CAND1: variants seen among roughly 807,000 people sequenced by gnomAD.
The protein encoded by CAND1 is cullin associated and neddylation dissociated 1.
A neutral mutation model predicts 108.5 loss-of-function variants in CAND1; 7 were observed. That is an observed-to-expected ratio of 0.06 (90% CI 0.04 to 0.12). The LOEUF (loss-of-function observed/expected upper bound fraction) is 0.12. Among genes scored for constraint, CAND1 ranks in the 10% least tolerant of loss-of-function variants. The pLI, the probability that CAND1 is intolerant of heterozygous loss-of-function variation, is 1.00. For synonymous variants in CAND1, 534 were observed against 512.0 expected (o/e 1.04, Z -0.58); for missense variants, 941 against 1,448.7 (o/e 0.65, Z 5.69).
At chr12:67,311,036 T>C (rs1021191540) in intron 13 of CAND1, 1 of 151,986 alleles carries the variant, frequency 6.6e-6, no homozygotes, top group Non-Finnish European at 1.5e-5. Flanking sequence ...TACTCTTCCA[T>C]TTAGGGCTTT....
chr12:67,305,915 G>A lies in CAND1; in HGVS notation c.2247G>A (p.Gly749=), dbSNP rs764562549. The A allele has an allele frequency of 6.2e-7, 1 of 1,614,126 alleles. No individual in the cohort carries two copies. Among genetic ancestry groups the A allele is most frequent in the Non-Finnish European group, 8.5e-7 (1 of 1,179,986 alleles). Residue 749 remains glycine, a synonymous_variant, in exon 10 of 15, where the codon GGG becomes GGA. Coordinates refer to ENST00000545606, the MANE Select transcript of CAND1 (RefSeq NM_018448.5). The surrounding 1 kb of genome is among the most constrained non-coding windows in gnomAD (Gnocchi z 4.4). ...IGLVRSPLLQ[G]GALSAMLDFF... is the part of the protein sequence containing the mutation. ...TTGTGAGATCACCCTTATTGCAGGG[G>A]GGAGCTCTTAGTGCCATGCTAGACT... is the stretch of plus-strand genomic sequence containing the variant.
intron 2 of CAND1, 193 bp downstream of exon 2, chr12:67,282,246 T>C: frequency 2.1e-6 from 1 of 467,910 alleles, no homozygotes; most frequent in South Asian, 3.3e-5. Context: ...GCATATAAGT[T>C]ACTAAATGGT....
Position 67,305,997 on chromosome 12 carries a change from C to T in CAND1, c.2329C>T (p.Arg777Cys), listed in dbSNP as rs371351780. ...TNNLGYMDLL[R>C]MLTGPVYSQS... Reference sequence around the variant, plus strand: ...TAATTTAGGATACATGGATTTGTTGCGCATGCTGACTGGTCCAGTTTACTC... The same window carrying T: ...TAATTTAGGATACATGGATTTGTTGTGCATGCTGACTGGTCCAGTTTACTC... The change falls in exon 10 of 15, where the codon CGC (arginine) becomes TGC (cysteine). Residue 777 changes from arginine to cysteine, a missense_variant. Arg to Cys is a radical substitution (Grantham distance 180, BLOSUM62 -3). This residue lies in a region of CAND1 where 697 missense variants were observed against 942.0 expected (regional missense o/e 0.74). Coordinates refer to ENST00000545606, the MANE Select transcript of CAND1 (RefSeq NM_018448.5). The surrounding 1 kb of genome is among the most constrained non-coding windows in gnomAD (Gnocchi z 4.4). 2.2e-5 allele frequency: 35 copies of T among 1,613,978 alleles called. No homozygotes were observed. Among genetic ancestry groups the T allele is most frequent in the African/African-American group, 8.0e-5 (6 of 74,904 alleles).
At chr12:67,299,172 G>A in intron 7 of CAND1, 77 bp downstream of exon 7, 3 of 1,333,306 alleles carry the variant, frequency 2.3e-6, no homozygotes, top group Non-Finnish European at 3.0e-6. Context: ...AGTCCAAATT[G>A]TACTGTTTGT....
Position 67,319,887 on chromosome 12 carries a change from T to G in CAND1, c.*7057T>G, listed in dbSNP as rs1397893487. 6.6e-6 allele frequency: 1 copy of G among 152,240 alleles called. No individual in the cohort carries two copies. Among genetic ancestry groups the G allele is most frequent in the African/African-American group, 2.4e-5 (1 of 41,460 alleles). The allele number at this position is 152,240 out of a possible 1,614,324, so 9.4% of individuals were successfully genotyped here. On this transcript the variant is annotated 3_prime_UTR_variant, in exon 15 of 15. Coordinates refer to ENST00000545606, the MANE Select transcript of CAND1 (RefSeq NM_018448.5). ...TGCTCTATATATGGTTTTGGATTCATTCCTTTTAAAAAATATTTACTGTCA... is the reference window on the plus strand; with the variant it reads ...TGCTCTATATATGGTTTTGGATTCAGTCCTTTTAAAAAATATTTACTGTCA...
intron 4 of CAND1, among the ~76,000 whole-genome samples, chr12:67,296,357 G>A (rs775036376): frequency 2.4e-4 from 36 of 152,152 alleles, no homozygotes; most frequent in African/African-American, 8.7e-4. Context: ...TCAAGAGAAG[G>A]TCAGTTTTTT....
At chr12:67,298,848 C>G in intron 6 of CAND1, 102 bp from the exon 7 acceptor site, 1 of 687,902 alleles carries the variant, frequency 1.5e-6, no homozygotes, top group Non-Finnish European at 2.7e-6. Flanking sequence ...AGTCTGGGAA[C>G]TACTGTCCTA....
rs1592630210 is a variant in CAND1 at position 67,315,824 on chromosome 12, T to C, written c.*2994T>C. ...AGTCTCAGATGTATGAATATGATTA[T>C]ATAGTCATGATTGAAGTTCAAAATG... On this transcript the variant is annotated 3_prime_UTR_variant, in exon 15 of 15. Transcript: ENST00000545606. 1 of 152,216 alleles carries C rather than the reference T, an allele frequency of 6.6e-6. No individual in the cohort carries two copies. Among genetic ancestry groups the C allele is most frequent in the Non-Finnish European group, 1.5e-5 (1 of 68,036 alleles). 9.4% of individuals were successfully genotyped at this position (152,216 alleles called of 1,614,324 possible). A position where few individuals can be genotyped will look rare whatever the true frequency, so the allele number is the denominator to read the frequency against.
chr12:67,307,431 T>C lies in CAND1; in HGVS notation c.2964T>C (p.Ala988=). The C allele has an allele frequency of 6.2e-7, 1 of 1,611,374 alleles. No individual in the cohort carries two copies. Among genetic ancestry groups the C allele is most frequent in the Non-Finnish European group, 8.5e-7 (1 of 1,178,518 alleles). The change falls in exon 11 of 15, where the codon GCT becomes GCC. Residue 988 remains alanine (A), a synonymous_variant. Coordinates refer to ENST00000545606, the MANE Select transcript of CAND1 (RefSeq NM_018448.5). ...SSYARSSVVT[A]VKFTISDHPQ... is the part of the protein sequence containing the mutation. ...ATGCCCGAAGCTCAGTGGTTACGGCTGTGAAATTTACAATTTCTGACCATC... is the reference window on the plus strand; with the variant it reads ...ATGCCCGAAGCTCAGTGGTTACGGCCGTGAAATTTACAATTTCTGACCATC...
intron 1 of CAND1, among the ~76,000 whole-genome samples, chr12:67,273,973 G>A (rs2044546790): frequency 6.6e-6 from 1 of 152,164 alleles, no homozygotes; most frequent in African/African-American, 2.4e-5. Context: ...AAGAAACTGA[G>A]ATTTGGAGAG....
chr12:67,297,491 G>A lies in CAND1; in HGVS notation c.576G>A (p.Arg192=), dbSNP rs1392105843. ...TGACCAGCCCTAGACTTGCAGTGAG[G>A]AAAAGAACCATTATCGCTCTTGGCC... is the stretch of plus-strand genomic sequence containing the variant. ...PQLTSPRLAV[R]KRTIIALGHL... Residue 192 remains arginine, a synonymous_variant, in exon 5 of 15, where the codon AGG becomes AGA. Coordinates refer to ENST00000545606, the MANE Select transcript of CAND1 (RefSeq NM_018448.5). 6.2e-7 allele frequency: 1 copy of A among 1,613,930 alleles called. No homozygotes were observed. Among genetic ancestry groups the A allele is most frequent in the Admixed American group, 1.7e-5 (1 of 59,990 alleles).
In CAND1 at chr12:67,297,449, C is replaced by T. The variant is rs752590541; in HGVS notation, c.534C>T (p.Thr178=). Residue 178 remains threonine (T), a synonymous_variant, in exon 5 of 15, where the codon ACC becomes ACT. Coordinates refer to ENST00000545606, the MANE Select transcript of CAND1 (RefSeq NM_018448.5). Reference sequence around the variant, plus strand: ...TTAATTTCCATCCTTCAATTCTGACCTGTCTACTTCCCCAGTTGACCAGCC... The same window carrying T: ...TTAATTTCCATCCTTCAATTCTGACTTGTCTACTTCCCCAGTTGACCAGCC... The part of the protein sequence containing the change: ...LLVNFHPSIL[T]CLLPQLTSPR... 1 of 1,613,756 alleles carries T rather than the reference C, an allele frequency of 6.2e-7. No individual in the cohort carries two copies. Among genetic ancestry groups the T allele is most frequent in the South Asian group, 1.1e-5 (1 of 91,048 alleles).
At chr12:67,269,837 C>CAG in intron 1 of CAND1, 52 bp downstream of exon 1, 1 of 1,513,912 alleles carries the variant, frequency 6.6e-7, no homozygotes, top group Non-Finnish European at 9.0e-7. Flanking sequence ...GCAGCCGCGG[C>CAG]CCTGGCCGTC....
intron 3 of CAND1, 107 bp from the exon 4 acceptor site, chr12:67,294,926 T>C: frequency 8.7e-7 from 1 of 1,144,128 alleles, no homozygotes; most frequent in Non-Finnish European, 1.2e-6. Flanking sequence ...ATCTGTTGTG[T>C]CTCATGATCA....
chr12:67,275,443 C>T (rs981343717), intron 1 of CAND1, among the ~76,000 whole-genome samples: 2 of 150,360 alleles, frequency 1.3e-5, no homozygotes, highest in Non-Finnish European at 2.9e-5. Flanking sequence ...AGCAGAATTG[C>T]TTGAACCTGC....
In CAND1 at chr12:67,319,649, T is replaced by G. The variant is rs1360001959; in HGVS notation, c.*6819T>G. On this transcript the variant is annotated 3_prime_UTR_variant, in exon 15 of 15. Transcript: ENST00000545606. ...TACTGAGGGTATGGGAAGGGCCGAC[T>G]AGTCCAGCTGTTCACAAACAGCCCT... 6.6e-6 allele frequency: 1 copy of G among 152,248 alleles called. No homozygotes were observed. Among genetic ancestry groups the G allele is most frequent in the Non-Finnish European group, 1.5e-5 (1 of 68,042 alleles). The allele number at this position is 152,248 out of a possible 1,614,324, so 9.4% of individuals were successfully genotyped here.
rs1281845198 is a variant in CAND1, at chr12:67,289,133, G to GT, written c.213-3483dup. ...TGTAGATAGCAGGTAGTTAAGTCTT[G>GT]TTTTTTCTTTTATTCAGTTTTATAA... is the stretch of plus-strand genomic sequence containing the variant. On this transcript the variant is annotated intron_variant, in intron 2 of 14. Transcript: ENST00000545606. 4.0e-5 allele frequency among the ~76,000 whole-genome samples: 6 copies of GT among 151,762 alleles called. No individual in the cohort carries two copies. The East Asian group carries it at 1.2e-3, about 29-fold the overall frequency.
chr12:67,269,656 GGCGGCA>G lies in CAND1; in HGVS notation c.-51_-46del. On this transcript the variant is annotated 5_prime_UTR_variant, in exon 1 of 15. Transcript: ENST00000545606. Reference sequence around the variant, plus strand: ...GAGGAGCTCCAGTGGCGGCGGCGGCGGCGGCAGCGGCAGCGGGCAGCAGCTCCAGCA... The same window carrying G: ...GAGGAGCTCCAGTGGCGGCGGCGGCGGCGGCAGCGGGCAGCAGCTCCAGCA... The G allele has an allele frequency of 3.4e-6, 5 of 1,451,302 alleles. No individual in the cohort carries two copies. Among genetic ancestry groups the G allele is most frequent in the East Asian group, 2.5e-5 (1 of 40,238 alleles). 89.9% of individuals were successfully genotyped at this position (1,451,302 alleles called of 1,614,324 possible).
At chr12:67,276,710 G>A (rs887332521) in intron 1 of CAND1, among the ~76,000 whole-genome samples, 6 of 152,268 alleles carry the variant, frequency 3.9e-5, no homozygotes, top group African/African-American at 1.4e-4. Context: ...GATTGTTTAT[G>A]TCCAAGAAAA....
Sources: gnomAD v4.1 joint callset for allele counts (sites outside exome capture counted in the v4.1 genomes callset) on GRCh38, gnomAD v4.1.1 for gene constraint, gnomAD v4.1.1 regional missense constraint, Gnocchi (gnomAD v3.1) non-coding constraint, MANE v1.5 for transcripts, NCBI Gene and HGNC (gene_info 2026-07-23, HGNC 2026-07-21) for gene names.